Variants in FOXO1 observed in about 807,000 individuals in gnomAD.
FOXO1 encodes forkhead box O1, also known as forkhead box protein O1.
Under a neutral mutation model 44.1 loss-of-function variants are expected in FOXO1, and 6 were observed. The observed-to-expected ratio is 0.14, with a 90% CI of 0.07 to 0.27. The LOEUF (loss-of-function observed/expected upper bound fraction) is 0.27, where lower values mean the gene tolerates loss of function less well. FOXO1 is among the 10% of genes least tolerant of loss of function. The probability of loss-of-function intolerance (pLI) is 1.00; values close to 1 mark genes in which losing one functional copy is unlikely to be tolerated. For missense variants in FOXO1, 737 were observed against 888.8 expected, an observed-to-expected ratio of 0.83 and a Z score of 2.17; for synonymous variants, 380 against 362.7, an observed-to-expected ratio of 1.05 and a Z score of -0.54.
chr13:40,620,087 T>C (rs1391709059), intron 1 of FOXO1: 3 of 1,051,814 alleles, frequency 2.9e-6, no homozygotes, highest in African/African-American at 3.1e-5. Context: ...ACTCAAGTCT[T>C]TTTAGAGCAA....
rs998379920 is a variant in FOXO1 at position 40,556,209 on chromosome 13, C to T, written c.*2840G>A. 3 of 152,284 alleles carry T rather than the reference C, an allele frequency of 2.0e-5. No individual in the cohort carries two copies. The highest frequency in any genetic ancestry group is 1.3e-4 in the Admixed American group (2 of 15,280). The allele number at this position is 152,284 out of a possible 1,614,324, so 9.4% of individuals were successfully genotyped here. On this transcript the variant is annotated 3_prime_UTR_variant, in exon 3 of 3. Coordinates refer to ENST00000379561, the MANE Select transcript of FOXO1 (RefSeq NM_002015.4). ...AGTTGAACAAGTCCAATTTGTATAT[C>T]GTTGGAGAATGATTTCCATTTTAAG...
intron 1 of FOXO1, among the ~76,000 whole-genome samples, chr13:40,639,806 T>C (rs1426381641): frequency 2.0e-5 from 3 of 152,222 alleles, no homozygotes; most frequent in Non-Finnish European, 4.4e-5. Context: ...AGGAAGAATT[T>C]AGACCTAATT....
At chr13:40,585,308 C>T (rs1433579855) in intron 1 of FOXO1, among the ~76,000 whole-genome samples, 1 of 150,728 alleles carries the variant, frequency 6.6e-6, no homozygotes, top group East Asian at 1.9e-4. Flanking sequence ...CCCCCGCTTT[C>T]CCCTTTAGTA....
chr13:40,661,046 A>C (rs1878020561), intron 1 of FOXO1, among the ~76,000 whole-genome samples: 1 of 152,196 alleles, frequency 6.6e-6, no homozygotes, highest in Admixed American at 6.5e-5. Context: ...AACCAAGGAC[A>C]TGCCACAAAA....
intron 1 of FOXO1, among the ~76,000 whole-genome samples, chr13:40,661,866 T>C (rs1878046402): frequency 6.6e-6 from 1 of 152,100 alleles, no homozygotes; most frequent in Non-Finnish European, 1.5e-5. Flanking sequence ...CAATTAAAGA[T>C]TTATCTTAAA....
chr13:40,629,093 G>A (rs747385553), intron 1 of FOXO1, among the ~76,000 whole-genome samples: 1 of 151,948 alleles, frequency 6.6e-6, no homozygotes, highest in Non-Finnish European at 1.5e-5. Flanking sequence ...GGATCACAAT[G>A]GTTGAAGAGG....
At chr13:40,624,211 T>C (rs1198120546) in intron 1 of FOXO1, among the ~76,000 whole-genome samples, 1 of 150,554 alleles carries the variant, frequency 6.6e-6, no homozygotes. Context: ...ATCCCAATTC[T>C]AAGATTTCAT....
At position 40,665,932 on chromosome 13, in the gene FOXO1, ACCGCCG is replaced by A. The variant is rs1238534097; in HGVS notation, c.275_280del (p.Ala92_Ala93del). The stretch of plus-strand genomic sequence containing the variant: ...GGCGGCCGCGGCGGCCGCCGCCGCC[ACCGCCG>A]CCGCCACGGAGCCGGGCGCCTGCGG... On this transcript the variant is annotated inframe_deletion, in exon 1 of 3. Transcript: ENST00000379561. 2 of 1,211,932 alleles carry A rather than the reference ACCGCCG, an allele frequency of 1.7e-6. No individual in the cohort carries two copies. The highest frequency in any genetic ancestry group is 6.8e-5 in the East Asian group (2 of 29,538). 75.1% of individuals were successfully genotyped at this position (1,211,932 alleles called of 1,614,324 possible).
At chr13:40,574,430 T>C (rs921325796) in intron 1 of FOXO1, among the ~76,000 whole-genome samples, 6 of 152,206 alleles carry the variant, frequency 3.9e-5, no homozygotes, top group Non-Finnish European at 8.8e-5. Flanking sequence ...AATGAGAACA[T>C]GTTTGGAAAA....
intron 1 of FOXO1, among the ~76,000 whole-genome samples, chr13:40,633,683 T>G (rs138955837): frequency 6.6e-6 from 1 of 152,330 alleles, no homozygotes; most frequent in Non-Finnish European, 1.5e-5. Flanking sequence ...TGGTGATAGT[T>G]GCCCAAACTC....
Position 40,559,590 on chromosome 13 carries a change from T to A in FOXO1, c.1901A>T (p.Asn634Ile). 1 of 1,614,022 alleles carries A rather than the reference T, an allele frequency of 6.2e-7. No individual in the cohort carries two copies. Among genetic ancestry groups the A allele is most frequent in the Non-Finnish European group, 8.5e-7 (1 of 1,179,924 alleles). ...TGGGAAGCTTTGGTTGGGCAACACA[T>A]TGTCAAAGTTAAAATCCAATGTATC... ...DGDTLDFNFD[N>I]VLPNQSFPHS... The change falls in exon 2 of 3, where the codon AAT becomes ATT. Residue 634 changes from asparagine (N) to isoleucine (I), a missense_variant. Asn to Ile is a moderately radical substitution (Grantham distance 149). Transcript: ENST00000379561.
chr13:40,567,123 G>A (rs1874299937), intron 1 of FOXO1, among the ~76,000 whole-genome samples: 1 of 151,912 alleles, frequency 6.6e-6, no homozygotes, highest in Non-Finnish European at 1.5e-5. Flanking sequence ...CAGCCTATAT[G>A]AAGACCACCA....
At chr13:40,575,786 G>A (rs1290473263) in intron 1 of FOXO1, among the ~76,000 whole-genome samples, 1 of 152,156 alleles carries the variant, frequency 6.6e-6, no homozygotes, top group Non-Finnish European at 1.5e-5. Context: ...TGTACGGAAG[G>A]CTGACAACAC....
intron 1 of FOXO1, among the ~76,000 whole-genome samples, chr13:40,587,266 TAA>T (rs34831498): frequency 2.5e-4 from 22 of 88,968 alleles, no homozygotes; most frequent in Non-Finnish European, 4.2e-4. Flanking sequence ...CAGAACAAAG[TAA>T]AAAAAAAAAA....
chr13:40,589,866 C>A (rs1390178972), intron 1 of FOXO1, among the ~76,000 whole-genome samples: 1 of 152,162 alleles, frequency 6.6e-6, no homozygotes, highest in Non-Finnish European at 1.5e-5. Flanking sequence ...TGGGGCTGAT[C>A]ACTCAAGCAT....
intron 1 of FOXO1, among the ~76,000 whole-genome samples, chr13:40,571,637 T>C (rs1334949738): frequency 6.6e-6 from 1 of 152,212 alleles, no homozygotes; most frequent in Non-Finnish European, 1.5e-5. Flanking sequence ...GGAATACCCA[T>C]GCTTTTTGCT....
intron 1 of FOXO1, among the ~76,000 whole-genome samples, chr13:40,653,230 T>C (rs778716882): frequency 3.9e-5 from 6 of 152,128 alleles, no homozygotes; most frequent in Non-Finnish European, 7.4e-5. Flanking sequence ...GCCTCCCAAA[T>C]TGCTGACATT....
intron 1 of FOXO1, among the ~76,000 whole-genome samples, chr13:40,583,539 C>T (rs1019019803): frequency 3.9e-5 from 6 of 152,192 alleles, no homozygotes; most frequent in African/African-American, 1.4e-4. Flanking sequence ...TTCTGGATAA[C>T]TTGCTGCTCC....
chr13:40,641,620 AAAATTCC>A (rs1268477934), intron 1 of FOXO1, among the ~76,000 whole-genome samples: 3 of 152,138 alleles, frequency 2.0e-5, no homozygotes, highest in African/African-American at 7.2e-5. Flanking sequence ...TTTTTTCTCC[AAAATTCC>A]AAAGATAATT....
Sources: gnomAD v4.1 joint callset for allele counts (sites outside exome capture counted in the v4.1 genomes callset) on GRCh38, gnomAD v4.1.1 for gene constraint, MANE v1.5 for transcripts, NCBI Gene and HGNC (gene_info 2026-07-23, HGNC 2026-07-21) for gene names.